SOX13: variants seen among roughly 807,000 people sequenced by gnomAD.
SOX13 encodes the protein SRY-box transcription factor 13, also known as transcription factor SOX-13.
Under a neutral mutation model 71.8 loss-of-function variants are expected in SOX13, and 28 were observed. That is an observed-to-expected ratio of 0.39 (90% CI 0.29 to 0.53). The LOEUF is 0.53. Ranked by LOEUF, SOX13 falls within the 20% of genes least tolerant of loss-of-function variation. The probability of loss-of-function intolerance (pLI) is 0.70; values close to 1 mark genes in which losing one functional copy is unlikely to be tolerated. For missense variants in SOX13, 627 were observed against 810.3 expected (o/e 0.77, Z 2.75); for synonymous variants, 309 against 317.8 (o/e 0.97, Z 0.29).
intron 1 of SOX13, among the ~76,000 whole-genome samples, chr1:204,094,997 C>A (rs1211332625): frequency 6.6e-6 from 1 of 152,320 alleles, no homozygotes; most frequent in East Asian, 1.9e-4. Context: ...TGGCCCCCGT[C>A]CTGCCACTCC....
chr1:204,124,881 GC>G, intron 13 of SOX13, 24 bp downstream of exon 13: 1 of 1,518,036 alleles, frequency 6.6e-7, no homozygotes, highest in Non-Finnish European at 9.0e-7. Context: ...CCCGCAGGCA[GC>G]CAGGAGACTG....
intron 7 of SOX13, 32 bp downstream of exon 7, chr1:204,117,739 G>C: frequency 3.4e-6 from 5 of 1,474,830 alleles, no homozygotes; most frequent in Non-Finnish European, 4.7e-6. Context: ...CCACCACTGC[G>C]GCCAGCCTGT....
intron 1 of SOX13, among the ~76,000 whole-genome samples, chr1:204,086,194 C>G (rs768041759): frequency 6.6e-6 from 1 of 152,232 alleles, no homozygotes. Context: ...CCTCCAGGGT[C>G]GGGTGCCAGC....
intron 1 of SOX13, among the ~76,000 whole-genome samples, chr1:204,087,983 G>A (rs1195492177): frequency 6.6e-6 from 1 of 152,188 alleles, no homozygotes; most frequent in Non-Finnish European, 1.5e-5. Context: ...GTCTGACTCT[G>A]TTCAGAACAA....
intron 1 of SOX13, among the ~76,000 whole-genome samples, chr1:204,099,369 T>C (rs1656314725): frequency 6.6e-6 from 1 of 151,930 alleles, no homozygotes; most frequent in African/African-American, 2.4e-5. Flanking sequence ...AGGTGGATTC[T>C]GATGCTAGAC....
intron 1 of SOX13, among the ~76,000 whole-genome samples, chr1:204,088,850 G>A (rs1656077820): frequency 6.6e-6 from 1 of 152,150 alleles, no homozygotes; most frequent in Non-Finnish European, 1.5e-5. Flanking sequence ...TGAAGTGAAA[G>A]CTCAATTAGA....
intron 1 of SOX13, among the ~76,000 whole-genome samples, chr1:204,091,779 C>G (rs998375883): frequency 9.9e-5 from 15 of 151,966 alleles, no homozygotes; most frequent in African/African-American, 3.6e-4. Flanking sequence ...ATGGGGGTCT[C>G]ACTATATTGC....
chr1:204,122,268 A>T lies in SOX13; in HGVS notation c.893A>T (p.Lys298Met), dbSNP rs780429937. The T allele has an allele frequency of 6.3e-7, 1 of 1,591,646 alleles. No individual in the cohort carries two copies. The highest frequency in any genetic ancestry group is 8.6e-7 in the Non-Finnish European group (1 of 1,169,542). ...TCCCAGCCCCTGAACCTCACAGCCA[A>T]GCCCAAGGCCCCCGAGCTGCCCAAC... is the stretch of plus-strand genomic sequence containing the variant. ...EPSQPLNLTA[K>M]PKAPELPNTS... The change falls in exon 9 of 14, where the codon AAG (lysine) becomes ATG (methionine). Residue 298 changes from lysine to methionine, a missense_variant. Coordinates refer to ENST00000367204, the MANE Select transcript of SOX13 (RefSeq NM_005686.3).
At chr1:204,117,454 A>G (rs1656717849) in intron 6 of SOX13, 139 bp from the exon 7 acceptor site, 1 of 680,386 alleles carries the variant, frequency 1.5e-6, no homozygotes, top group South Asian at 1.8e-5. Flanking sequence ...CCTAGGGTCA[A>G]AGGGATCCTT....
rs1293743244 is a variant in SOX13 at position 204,122,957 on chromosome 1, C to T, written c.1128C>T (p.Phe376=). The T allele has an allele frequency of 1.9e-6, 3 of 1,583,956 alleles. No homozygotes were observed. Among genetic ancestry groups the T allele is most frequent in the East Asian group, 4.6e-5 (2 of 43,658 alleles). Residue 376 remains phenylalanine, a synonymous_variant, in exon 10 of 14, where the codon TTC becomes TTT. Coordinates refer to ENST00000367204, the MANE Select transcript of SOX13 (RefSeq NM_005686.3). The part of the protein sequence containing the change: ...GALDGSPNTP[F]RKDLISLDSS... ...TGGATGGCTCCCCCAACACCCCCTT[C>T]CGTAAGGTATGGTCCCCCACTCCCT...
In SOX13 at chr1:204,122,940, T is replaced by C; in HGVS notation, c.1111T>C (p.Ser371Pro). Residue 371 changes from serine to proline, a missense_variant, in exon 10 of 14, where the codon TCC (serine) becomes CCC (proline). Coordinates refer to ENST00000367204, the MANE Select transcript of SOX13 (RefSeq NM_005686.3). ...CAGCCACAGTGGGGCCTTGGATGGC[T>C]CCCCCAACACCCCCTTCCGTAAGGT... Reference protein sequence around the residue: ...LHSHSGALDGSPNTPFRKDLI... With the variant: ...LHSHSGALDGPPNTPFRKDLI... 1 of 1,588,970 alleles carries C rather than the reference T, an allele frequency of 6.3e-7. No homozygotes were observed. Among genetic ancestry groups the C allele is most frequent in the Admixed American group, 1.7e-5 (1 of 57,176 alleles).
chr1:204,087,915 G>T (rs570004056), intron 1 of SOX13, among the ~76,000 whole-genome samples: 10 of 152,318 alleles, frequency 6.6e-5, no homozygotes, highest in Admixed American at 5.2e-4. Context: ...AGGTAGTGGG[G>T]CTTCCAGAGT....
rs539676337 is a variant in SOX13, at chr1:204,085,801, C to T, written c.-2+12090C>T. 1.5e-4 allele frequency among the ~76,000 whole-genome samples: 22 copies of T among 151,640 alleles called. No individual in the cohort carries two copies. The East Asian group carries it at 3.7e-3, about 25-fold the overall frequency. Reference sequence around the variant, plus strand: ...CATCCTGGCTAACACGGTGAAACCCCGTCTGTACTAAAAAAAAAATACAAA... The same window carrying T: ...CATCCTGGCTAACACGGTGAAACCCTGTCTGTACTAAAAAAAAAATACAAA... On this transcript the variant is annotated intron_variant, in intron 1 of 13. Transcript: ENST00000367204.
chr1:204,126,303 C>G lies in SOX13; in HGVS notation c.*169C>G. On this transcript the variant is annotated 3_prime_UTR_variant, in exon 14 of 14. Coordinates refer to ENST00000367204, the MANE Select transcript of SOX13 (RefSeq NM_005686.3). ...CATTCATGAGGGGAGAGGCGCCCTC[C>G]CTTCCTGAGGAGCTGTTGGCCTGGG... 1 of 734,330 alleles carries G rather than the reference C, an allele frequency of 1.4e-6. No individual in the cohort carries two copies. The highest frequency in any genetic ancestry group is 2.2e-6 in the Non-Finnish European group (1 of 452,592). The allele number at this position is 734,330 out of a possible 1,614,324, so 45.5% of individuals were successfully genotyped here. A position where few individuals can be genotyped will look rare whatever the true frequency, so the allele number is the denominator to read the frequency against.
rs35841451 is a variant in SOX13 at position 204,105,413 on chromosome 1, C to CTTTTT, written c.-1-7496_-1-7492dup. ...GAAGGCCTCTGACTCTGTATAATCT[C>CTTTTT]TTTTTTTTTTGAGACAGAGTCTCCC... On this transcript the variant is annotated intron_variant, in intron 1 of 13. Coordinates refer to ENST00000367204, the MANE Select transcript of SOX13 (RefSeq NM_005686.3). Among the ~76,000 whole-genome samples the CTTTTT allele has an allele frequency of 8.0e-4, 110 of 137,980 alleles. 1 individual carries two copies. In the South Asian group the frequency reaches 8.0e-3, roughly 10 times the overall value. The allele number at this position is 137,980 out of a possible 152,430, so 90.5% of individuals were successfully genotyped here. A position where few individuals can be genotyped will look rare whatever the true frequency, so the allele number is the denominator to read the frequency against.
At chr1:204,103,136 C>T (rs1447793415) in intron 1 of SOX13, among the ~76,000 whole-genome samples, 5 of 152,270 alleles carry the variant, frequency 3.3e-5, no homozygotes, top group Non-Finnish European at 7.3e-5. Flanking sequence ...CTCTTACTCA[C>T]AAAATAGTTC....
At chr1:204,074,079 G>A (rs1367782155) in intron 1 of SOX13, 6 of 152,232 alleles carry the variant, frequency 3.9e-5, no homozygotes, top group Non-Finnish European at 8.8e-5. Context: ...GACCGCAGAG[G>A]ACTAGGTCTT....
In SOX13 at chr1:204,073,414, C is replaced by G. The variant is rs1240817436; in HGVS notation, c.-299C>G. ...CAAGCCCAGGGCAGAGGGCAGAGGGCAGAGAGCGGCCTGGCTCGGCGGAGA... is the reference window on the plus strand; with the variant it reads ...CAAGCCCAGGGCAGAGGGCAGAGGGGAGAGAGCGGCCTGGCTCGGCGGAGA... On this transcript the variant is annotated 5_prime_UTR_variant, in exon 1 of 14. Coordinates refer to ENST00000367204, the MANE Select transcript of SOX13 (RefSeq NM_005686.3). This position sits in a 1 kb window ranked among gnomAD's most constrained non-coding sequence, Gnocchi z 6.8. 1 of 152,190 alleles carries G rather than the reference C, an allele frequency of 6.6e-6. No individual in the cohort carries two copies. Among genetic ancestry groups the G allele is most frequent in the African/African-American group, 2.4e-5 (1 of 41,444 alleles). The allele number at this position is 152,190 out of a possible 1,614,324, so 9.4% of individuals were successfully genotyped here.
In SOX13 at chr1:204,117,746, C is replaced by T. The variant is rs564205881; in HGVS notation, c.775+39C>T. Reference sequence around the variant, plus strand: ...GGGAGGTTCCACCACTGCGGCCAGCCTGTCCTGAGGTCAGGGAAAGCGCCC... The same window carrying T: ...GGGAGGTTCCACCACTGCGGCCAGCTTGTCCTGAGGTCAGGGAAAGCGCCC... On this transcript the variant is annotated intron_variant, in intron 7 of 13. Coordinates refer to ENST00000367204, the MANE Select transcript of SOX13 (RefSeq NM_005686.3). 8.4e-5 allele frequency: 120 copies of T among 1,434,144 alleles called. 1 individual carries two copies. The highest frequency in any genetic ancestry group is 1.1e-4 in the Non-Finnish European group (117 of 1,028,696). The allele number at this position is 1,434,144 out of a possible 1,614,324, so 88.8% of individuals were successfully genotyped here. A position where few individuals can be genotyped will look rare whatever the true frequency, so the allele number is the denominator to read the frequency against.
Sources: gnomAD v4.1 joint callset for allele counts (sites outside exome capture counted in the v4.1 genomes callset) on GRCh38, gnomAD v4.1.1 for gene constraint, Gnocchi (gnomAD v3.1) non-coding constraint, MANE v1.5 for transcripts, NCBI Gene and HGNC (gene_info 2026-07-23, HGNC 2026-07-21) for gene names.